SHISA6: variants seen among roughly 807,000 people sequenced by gnomAD.
SHISA6 encodes shisa family member 6.
Under a neutral mutation model 47.9 loss-of-function variants are expected in SHISA6, and 22 were observed. The ratio of observed to expected loss-of-function variants is 0.46; its 90% CI spans 0.33 to 0.66. The LOEUF is 0.66. Among genes scored for constraint, SHISA6 ranks in the 30% least tolerant of loss-of-function variants. The probability of loss-of-function intolerance (pLI) is 0.02; values close to 1 mark genes in which losing one functional copy is unlikely to be tolerated. For synonymous variants in SHISA6, 388 were observed against 337.8 expected, an observed-to-expected ratio of 1.15 and a Z score of -1.63; for missense variants, 680 against 764.6, an observed-to-expected ratio of 0.89 and a Z score of 1.30.
At position 11,285,544 on chromosome 17, in the gene SHISA6, G is replaced by A. The variant is rs148345831; in HGVS notation, c.799+22018G>A. On this transcript the variant is annotated intron_variant, in intron 2 of 5. Transcript: ENST00000441885. ...AATGAATCCTACTGACAGTTTGGAG[G>A]CCTTTGTGGAATTAATCAAGTTTGA... 6.1e-3 allele frequency among the ~76,000 whole-genome samples: 926 copies of A among 152,294 alleles called. 16 individuals carry two copies. The highest frequency in any genetic ancestry group is 0.021 in the African/African-American group (877 of 41,564).
At chr17:11,493,192 C>T (rs2071379448) in intron 3 of SHISA6, among the ~76,000 whole-genome samples, 1 of 152,168 alleles carries the variant, frequency 6.6e-6, no homozygotes, top group Non-Finnish European at 1.5e-5. Context: ...CCAAATAGGA[C>T]TCCTAAAAGG....
intron 2 of SHISA6, among the ~76,000 whole-genome samples, chr17:11,299,129 C>T (rs1193116130): frequency 6.6e-6 from 1 of 152,212 alleles, no homozygotes; most frequent in Non-Finnish European, 1.5e-5. Context: ...AGTAATAAAG[C>T]ATTAGGATGG....
Position 11,241,243 on chromosome 17 carries a change from C to A in SHISA6, c.-180C>A. ...CCCGAGCAGCCCGCGCCGGGCCGGTCCGTGCGCACCGCGCGCCGCCGCCGC... is the reference window on the plus strand; with the variant it reads ...CCCGAGCAGCCCGCGCCGGGCCGGTACGTGCGCACCGCGCGCCGCCGCCGC... On this transcript the variant is annotated 5_prime_UTR_variant, in exon 1 of 6. Transcript: ENST00000441885. This position sits in a 1 kb window ranked among gnomAD's most constrained non-coding sequence, Gnocchi z 5.5. 5.7e-6 allele frequency: 1 copy of A among 176,990 alleles called. No individual in the cohort carries two copies. Among genetic ancestry groups the A allele is most frequent in the South Asian group, 1.6e-4 (1 of 6,072 alleles). The allele number at this position is 176,990 out of a possible 1,614,324, so 11.0% of individuals were successfully genotyped here.
chr17:11,555,668 G>T, intron 4 of SHISA6, 72 bp from the exon 5 acceptor site: 1 of 1,431,514 alleles, frequency 7.0e-7, no homozygotes, highest in Non-Finnish European at 9.2e-7. Context: ...TCGAATCAGG[G>T]GTGAGGCAGA....
chr17:11,535,030 A>G (rs2071773889), intron 3 of SHISA6, among the ~76,000 whole-genome samples: 1 of 152,166 alleles, frequency 6.6e-6, no homozygotes, highest in Non-Finnish European at 1.5e-5. Context: ...CGGGAGGCTG[A>G]AGCAGGAGGA....
At chr17:11,309,184 T>G (rs1318710766) in intron 2 of SHISA6, among the ~76,000 whole-genome samples, 1 of 152,180 alleles carries the variant, frequency 6.6e-6, no homozygotes, top group Non-Finnish European at 1.5e-5. Context: ...AGGCTGGTCT[T>G]GAACTCCTAG....
At chr17:11,378,760 C>T (rs946532386) in intron 2 of SHISA6, among the ~76,000 whole-genome samples, 17 of 152,236 alleles carry the variant, frequency 1.1e-4, no homozygotes, top group African/African-American at 2.4e-4. Flanking sequence ...GTTAAAGAAG[C>T]GAAGCACGTA....
At chr17:11,243,645 C>G (rs904035812) in intron 1 of SHISA6, among the ~76,000 whole-genome samples, 1 of 152,164 alleles carries the variant, frequency 6.6e-6, no homozygotes, top group Non-Finnish European at 1.5e-5. Context: ...TTTTCTGTCT[C>G]GGCTCAGTGT....
chr17:11,415,523 T>G (rs1401558504), intron 3 of SHISA6, among the ~76,000 whole-genome samples: 3 of 152,180 alleles, frequency 2.0e-5, no homozygotes, highest in Non-Finnish European at 4.4e-5. Context: ...CCAAATGAAT[T>G]TACAATTACT....
At chr17:11,278,896 G>A (rs1479974191) in intron 2 of SHISA6, among the ~76,000 whole-genome samples, 1 of 152,230 alleles carries the variant, frequency 6.6e-6, no homozygotes, top group African/African-American at 2.4e-5. Context: ...GGGCAGGGCA[G>A]GAAGGTGGAG....
chr17:11,484,663 T>C (rs1916302791), intron 3 of SHISA6, among the ~76,000 whole-genome samples: 1 of 152,190 alleles, frequency 6.6e-6, no homozygotes, highest in Non-Finnish European at 1.5e-5. Context: ...CCTCCCAAAG[T>C]GCTGGGATTA....
intron 3 of SHISA6, among the ~76,000 whole-genome samples, chr17:11,388,305 G>A (rs1297683025): frequency 6.6e-6 from 1 of 152,112 alleles, no homozygotes; most frequent in Non-Finnish European, 1.5e-5. Context: ...AGGCTTATCT[G>A]GGAATGGACT....
rs1275595898 is a variant in SHISA6, at chr17:11,385,763, A to G, written c.895+6254A>G. ...GGAGAGGCTGGGGGGATGAGGAGGG[A>G]CCTACAGAAAAGACAACTCAAGAGT... On this transcript the variant is annotated intron_variant, in intron 3 of 5. Transcript: ENST00000441885. 3.3e-5 allele frequency among the ~76,000 whole-genome samples: 5 copies of G among 152,054 alleles called. No individual in the cohort carries two copies. In the East Asian group the frequency reaches 9.7e-4, roughly 29 times the overall value.
At chr17:11,390,554 T>C (rs1371638119) in intron 3 of SHISA6, among the ~76,000 whole-genome samples, 1 of 152,118 alleles carries the variant, frequency 6.6e-6, no homozygotes, top group African/African-American at 2.4e-5. Context: ...TAACGAAAAC[T>C]CCAGGTAATT....
rs535818402 is a variant in SHISA6, at chr17:11,249,867, C to T, written c.638+7807C>T. On this transcript the variant is annotated intron_variant, in intron 1 of 5. Transcript: ENST00000441885. ...CTCTCCTAGGAGCCGTGTCAGCTGT[C>T]TCTGAAGGCAGGAGCCCAGAAGAGG... Among the ~76,000 whole-genome samples the T allele has an allele frequency of 1.4e-4, 22 of 152,308 alleles. 1 individual carries two copies. The South Asian group carries it at 4.6e-3, about 32-fold the overall frequency.
At chr17:11,454,543 C>T (rs954082517) in intron 3 of SHISA6, among the ~76,000 whole-genome samples, 36 of 152,298 alleles carry the variant, frequency 2.4e-4, no homozygotes, top group African/African-American at 8.4e-4. Flanking sequence ...TCTTCATTGT[C>T]CTGCACAGTC....
At chr17:11,402,711 A>G (rs1019311698) in intron 3 of SHISA6, among the ~76,000 whole-genome samples, 4 of 152,238 alleles carry the variant, frequency 2.6e-5, no homozygotes, top group African/African-American at 9.6e-5. Flanking sequence ...CAAGAGAGCA[A>G]GGAAACATAT....
intron 3 of SHISA6, among the ~76,000 whole-genome samples, chr17:11,445,846 G>A (rs1035770342): frequency 1.3e-5 from 2 of 152,100 alleles, no homozygotes; most frequent in Non-Finnish European, 2.9e-5. Flanking sequence ...TTTATTTTTT[G>A]AAACAGAGTC....
At chr17:11,414,548 G>C (rs1165335294) in intron 3 of SHISA6, among the ~76,000 whole-genome samples, 2 of 152,156 alleles carry the variant, frequency 1.3e-5, no homozygotes, top group Non-Finnish European at 2.9e-5. Context: ...TGAGTACAAA[G>C]TGGCTGCTTT....
Sources: gnomAD v4.1 joint callset for allele counts (sites outside exome capture counted in the v4.1 genomes callset) on GRCh38, gnomAD v4.1.1 for gene constraint, Gnocchi (gnomAD v3.1) non-coding constraint, MANE v1.5 for transcripts, NCBI Gene and HGNC (gene_info 2026-07-23, HGNC 2026-07-21) for gene names.